Variants in DEAF1 observed in about 807,000 individuals in gnomAD.
DEAF1 encodes the protein deformed epidermal autoregulatory factor 1 homolog.
DEAF1 carries 53 observed loss-of-function variants against 58.9 expected under a neutral mutation model. The ratio of observed to expected loss-of-function variants is 0.90; its 90% CI spans 0.72 to 1.13. DEAF1 has a LOEUF of 1.13. DEAF1 is among the 50% of genes most tolerant of loss of function. The probability of loss-of-function intolerance (pLI) is 0.00; values close to 1 mark genes in which losing one functional copy is unlikely to be tolerated. For missense variants in DEAF1, 685 were observed against 791.4 expected (o/e 0.87, Z 1.61); for synonymous variants, 385 against 340.4 (o/e 1.13, Z -1.44).
rs1860695747 is a variant in DEAF1, at chr11:688,612, C to T, written c.388-152G>A. The stretch of plus-strand genomic sequence containing the variant: ...GCACCCCATATCTTTTCCAAAGATA[C>T]CTCTCAAAGACTTGAAAACAGAGCC... On this transcript the variant is annotated intron_variant, in intron 2 of 11. Transcript: ENST00000382409. This position sits in a 1 kb window ranked among gnomAD's most constrained non-coding sequence, Gnocchi z 4.3. 1.1e-6 allele frequency: 1 copy of T among 887,974 alleles called. No homozygotes were observed. The highest frequency in any genetic ancestry group is 1.8e-6 in the Non-Finnish European group (1 of 558,802). 55.0% of individuals were successfully genotyped at this position (887,974 alleles called of 1,614,324 possible). A position where few individuals can be genotyped will look rare whatever the true frequency, so the allele number is the denominator to read the frequency against.
intron 6 of DEAF1, among the ~76,000 whole-genome samples, chr11:681,544 G>A (rs1564945793): frequency 6.6e-6 from 1 of 151,778 alleles, no homozygotes; most frequent in African/African-American, 2.4e-5. Context: ...CCGAGTAGCT[G>A]GGACTACAGG....
At chr11:705,473 C>G (rs930619328) in intron 1 of DEAF1, 4 of 153,366 alleles carry the variant, frequency 2.6e-5, no homozygotes, top group Non-Finnish European at 5.8e-5. Context: ...TGGGCCTGAC[C>G]ACGGGGCAGT....
chr11:690,619 G>A (rs748859811), intron 2 of DEAF1, among the ~76,000 whole-genome samples: 2 of 151,970 alleles, frequency 1.3e-5, no homozygotes, highest in Non-Finnish European at 2.9e-5. Context: ...GGTGGCACAC[G>A]CCTGTAATCC....
intron 5 of DEAF1, among the ~76,000 whole-genome samples, chr11:685,373 C>T (rs1450534543): frequency 3.3e-5 from 5 of 152,122 alleles, no homozygotes; most frequent in African/African-American, 4.8e-5. Context: ...CGTAAGCCAC[C>T]GTGCCCAACC....
intron 6 of DEAF1, among the ~76,000 whole-genome samples, chr11:682,098 C>T (rs902152623): frequency 1.3e-5 from 2 of 152,206 alleles, no homozygotes; most frequent in East Asian, 1.9e-4. Flanking sequence ...GGGGCGGCCT[C>T]GGCTGCTGCT....
At chr11:679,051 G>T (rs1396756602) in intron 8 of DEAF1, among the ~76,000 whole-genome samples, 2 of 152,270 alleles carry the variant, frequency 1.3e-5, no homozygotes, top group South Asian at 4.1e-4. Flanking sequence ...GGTGGCTCAC[G>T]CCTGTAATCC....
chr11:700,526 CA>C (rs34654075), intron 1 of DEAF1: 50,213 of 855,650 alleles, frequency 0.059, no homozygotes, highest in Admixed American at 0.08. Context: ...GACCCTGTCT[CA>C]AAAAAAAAAA....
chr11:703,323 GAACA>G, intron 1 of DEAF1: 1 of 1,411,118 alleles, frequency 7.1e-7, no homozygotes, highest in Non-Finnish European at 9.2e-7. Flanking sequence ...AGCCAGGGCA[GAACA>G]AACTGCTGGA....
intron 10 of DEAF1, among the ~76,000 whole-genome samples, chr11:660,049 A>G (rs888213187): frequency 6.6e-6 from 1 of 152,180 alleles, no homozygotes; most frequent in African/African-American, 2.4e-5. Context: ...GGCTTCACCA[A>G]TGCCCACCAT....
intron 11 of DEAF1, among the ~76,000 whole-genome samples, chr11:653,367 GCT>G (rs1267904359): frequency 2.7e-5 from 3 of 110,738 alleles, no homozygotes; most frequent in African/African-American, 7.2e-5. Flanking sequence ...AACTGTGGAC[GCT>G]CTCTCTCGCG....
chr11:699,063 C>A, upstream of DEAF1: 1 of 743,220 alleles, frequency 1.3e-6, no homozygotes, highest in South Asian at 1.6e-5. Flanking sequence ...CGGATCAGTT[C>A]TGCTGGCTCC....
chr11:646,130 G>A (rs1408547979), intron 11 of DEAF1, among the ~76,000 whole-genome samples: 1 of 151,278 alleles, frequency 6.6e-6, no homozygotes, highest in African/African-American at 2.4e-5. Flanking sequence ...ATGCGCACCT[G>A]CAATCTCAGC....
chr11:678,426 T>C lies in DEAF1; in HGVS notation c.1255+268A>G, dbSNP rs1860177496. 2.4e-5 allele frequency: 10 copies of C among 417,784 alleles called. No homozygotes were observed. In the Admixed American group the frequency reaches 2.8e-4, roughly 12 times the overall value. 25.9% of individuals were successfully genotyped at this position (417,784 alleles called of 1,614,324 possible). ...AACTCACCAGAAAGAACTTCAGGCT[T>C]CACAGGCCAACTGGTTTCTAGGGGC... On this transcript the variant is annotated intron_variant, in intron 9 of 11. Transcript: ENST00000382409.
At position 701,585 on chromosome 11, in the gene DEAF1, AT is replaced by A. The variant is rs528494781; in HGVS notation, c.-438+4986del. Reference sequence around the variant, plus strand: ...GCCACCACGCCCGGCTCATTTTTGTATTTTTAGTAGAGATGGGGTTTCACCA... The same window carrying A: ...GCCACCACGCCCGGCTCATTTTTGTATTTTAGTAGAGATGGGGTTTCACCA... On this transcript the variant is annotated intron_variant, in intron 1 of 11. Transcript: ENST00000683307. 2.0e-4 allele frequency among the ~76,000 whole-genome samples: 31 copies of A among 151,528 alleles called. No homozygotes were observed. The South Asian group carries it at 5.8e-3, about 29-fold the overall frequency.
intron 6 of DEAF1, among the ~76,000 whole-genome samples, chr11:684,172 CT>C (rs1860487823): frequency 6.7e-6 from 1 of 148,364 alleles, no homozygotes; most frequent in Non-Finnish European, 1.5e-5. Flanking sequence ...AATCTCAACA[CT>C]TTGGGAGGCT....
intron 10 of DEAF1, among the ~76,000 whole-genome samples, chr11:669,271 T>G (rs1859700222): frequency 6.6e-6 from 1 of 151,984 alleles, no homozygotes; most frequent in Admixed American, 6.6e-5. Flanking sequence ...CGTAATCAAT[T>G]TAAAAGAACT....
intron 9 of DEAF1, among the ~76,000 whole-genome samples, chr11:676,296 C>T (rs1288314553): frequency 4.6e-5 from 1 of 21,834 alleles, no homozygotes; most frequent in African/African-American, 2.4e-4. Flanking sequence ...CCCCAGCACC[C>T]GACACCCCCA....
At chr11:698,766 C>T, upstream of DEAF1, 1 of 1,382,000 alleles carries the variant, frequency 7.2e-7, no homozygotes, top group Admixed American at 1.7e-5. Context: ...AATACGAGAT[C>T]AAAGGAAAAT....
chr11:688,474 C>G lies in DEAF1; in HGVS notation c.388-14G>C. 6.2e-7 allele frequency: 1 copy of G among 1,613,286 alleles called. No individual in the cohort carries two copies. Among genetic ancestry groups the G allele is most frequent in the Non-Finnish European group, 8.5e-7 (1 of 1,179,878 alleles). On this transcript the variant is annotated splice_polypyrimidine_tract_variant and intron_variant, in intron 2 of 11. Transcript: ENST00000382409. This position sits in a 1 kb window ranked among gnomAD's most constrained non-coding sequence, Gnocchi z 4.3. Reference sequence around the variant, plus strand: ...CGTCCTACCAGACTAGAAGGAAAAACCGCTCCGTCAGGTCACGTCCGAGAG... The same window carrying G: ...CGTCCTACCAGACTAGAAGGAAAAAGCGCTCCGTCAGGTCACGTCCGAGAG...
Sources: gnomAD v4.1 joint callset for allele counts (sites outside exome capture counted in the v4.1 genomes callset) on GRCh38, gnomAD v4.1.1 for gene constraint, Gnocchi (gnomAD v3.1) non-coding constraint, MANE v1.5 for transcripts, NCBI Gene and HGNC (gene_info 2026-07-23, HGNC 2026-07-21) for gene names.